Variants in MTUS1 observed in about 807,000 individuals in gnomAD.
The protein encoded by MTUS1 is microtubule associated scaffold protein 1.
A neutral mutation model predicts 120.8 loss-of-function variants in MTUS1; 109 were observed. That is an observed-to-expected ratio of 0.90 (90% CI 0.77 to 1.06). The LOEUF (loss-of-function observed/expected upper bound fraction) is 1.06. Among genes scored for constraint, MTUS1 ranks in the 50% least tolerant of loss-of-function variants. The pLI, the probability that MTUS1 is intolerant of heterozygous loss-of-function variation, is 0.00. For missense variants in MTUS1, 2,210 were observed against 1,486.3 expected (o/e 1.49, Z -8.01); for synonymous variants, 737 against 550.5 (o/e 1.34, Z -4.74).
chr8:17,731,332 TCTG>T (rs2046563753), intron 3 of MTUS1, among the ~76,000 whole-genome samples: 1 of 152,178 alleles, frequency 6.6e-6, no homozygotes. Flanking sequence ...GTTCTGCACT[TCTG>T]TTTTCTCATA....
intron 6 of MTUS1, among the ~76,000 whole-genome samples, chr8:17,703,812 T>C (rs958045827): frequency 2.6e-5 from 4 of 152,132 alleles, no homozygotes; most frequent in African/African-American, 7.2e-5. Flanking sequence ...CTGCTGAACA[T>C]AGACCCTTAT....
chr8:17,697,773 C>G, intron 6 of MTUS1: 1 of 976,370 alleles, frequency 1.0e-6, no homozygotes, highest in East Asian at 1.1e-4. Flanking sequence ...TGTCACAGAT[C>G]CTGTAACCAC....
At chr8:17,783,747 G>C (rs2051077537) in intron 1 of MTUS1, among the ~76,000 whole-genome samples, 1 of 152,094 alleles carries the variant, frequency 6.6e-6, no homozygotes, top group South Asian at 2.1e-4. Flanking sequence ...AAGCAAGACA[G>C]ACACCAACTA....
chr8:17,786,749 G>A (rs951659957), intron 1 of MTUS1, among the ~76,000 whole-genome samples: 3 of 152,096 alleles, frequency 2.0e-5, no homozygotes, highest in Non-Finnish European at 4.4e-5. Flanking sequence ...CCACCCGAGC[G>A]GTATGAAGGA....
intron 3 of MTUS1, 99 bp downstream of exon 3, chr8:17,743,505 G>GCTAA: frequency 8.8e-7 from 1 of 1,136,424 alleles, no homozygotes; most frequent in Non-Finnish European, 1.3e-6. Context: ...TCCACAAAAG[G>GCTAA]CTAACTGCTT....
intron 1 of MTUS1, among the ~76,000 whole-genome samples, chr8:17,793,681 C>T (rs575714803): frequency 3.3e-4 from 50 of 152,154 alleles, no homozygotes; most frequent in African/African-American, 1.1e-3. Flanking sequence ...AATTAAGAGA[C>T]GCCAAAGAGT....
In MTUS1 at chr8:17,653,503, G is replaced by C. The variant is rs772102898; in HGVS notation, c.3215-5C>G. 3 of 1,595,256 alleles carry C rather than the reference G, an allele frequency of 1.9e-6. No individual in the cohort carries two copies. Among genetic ancestry groups the C allele is most frequent in the South Asian group, 2.2e-5 (2 of 89,088 alleles). On this transcript the variant is annotated splice_polypyrimidine_tract_variant and splice_region_variant and intron_variant, in intron 10 of 14. Transcript: ENST00000693296. Reference sequence around the variant, plus strand: ...TTTCATGGCCTTTCTTAATTTCTGGGAAAATAAACGGATATTTTTGAGGCA... The same window carrying C: ...TTTCATGGCCTTTCTTAATTTCTGGCAAAATAAACGGATATTTTTGAGGCA...
At position 17,653,278 on chromosome 8, in the gene MTUS1, G is replaced by A; in HGVS notation, c.3292C>T (p.Gln1098Ter). 1.3e-6 allele frequency: 2 copies of A among 1,545,100 alleles called. No individual in the cohort carries two copies. Among genetic ancestry groups the A allele is most frequent in the Non-Finnish European group, 1.7e-6 (2 of 1,147,284 alleles). ...LSEKQESLEK[Q>*]INDLKSENDA... is the part of the protein sequence containing the mutation. ...TTTTCACTCTTCAGATCATTGATTT[G>A]CTTCTAAAACACAATGAAATGTGGA... The change falls in exon 12 of 15, where the codon CAA becomes TAA. Residue 1098 changes from glutamine (Q) to a stop codon, truncating the protein, a stop_gained. Transcript: ENST00000693296. LOFTEE classifies it high-confidence loss of function.
At chr8:17,669,314 G>T (rs1255383471) in intron 8 of MTUS1, among the ~76,000 whole-genome samples, 2 of 152,168 alleles carry the variant, frequency 1.3e-5, no homozygotes, top group Admixed American at 6.5e-5. Flanking sequence ...GAGGGGAGTG[G>T]AAAGAGGAGA....
intron 7 of MTUS1, 123 bp from the exon 8 acceptor site, chr8:17,675,375 G>A (rs1812889412): frequency 2.8e-6 from 2 of 719,612 alleles, no homozygotes; most frequent in East Asian, 5.6e-5. Context: ...AATCATTTAG[G>A]CTAACAATTT....
intron 2 of MTUS1, among the ~76,000 whole-genome samples, chr8:17,749,352 C>G (rs888175130): frequency 6.6e-6 from 1 of 152,072 alleles, no homozygotes; most frequent in African/African-American, 2.4e-5. Context: ...ACTCTTTGAA[C>G]CAACTGCCAA....
intron 1 of MTUS1, among the ~76,000 whole-genome samples, chr8:17,765,139 A>G (rs209565): frequency 0.25 from 38,146 of 151,976 alleles, 5,204 homozygotes; most frequent in African/African-American, 0.36. Flanking sequence ...AATAGGGTTC[A>G]CACTCCCAGG....
chr8:17,774,971 T>TAAAAAAAAAA (rs76567642), intron 1 of MTUS1, among the ~76,000 whole-genome samples: 5 of 96,966 alleles, frequency 5.2e-5, no homozygotes, highest in Non-Finnish European at 9.7e-5. Context: ...ATATTATAAG[T>TAAAAAAAAAA]AAAAAAAAAA....
At chr8:17,698,068 T>C (rs982207449) in intron 6 of MTUS1, among the ~76,000 whole-genome samples, 4 of 152,276 alleles carry the variant, frequency 2.6e-5, no homozygotes, top group Admixed American at 1.3e-4. Flanking sequence ...TAATGACAGA[T>C]TGTCAAAAGG....
At chr8:17,766,311 T>G (rs2049481845) in intron 1 of MTUS1, among the ~76,000 whole-genome samples, 1 of 152,202 alleles carries the variant, frequency 6.6e-6, no homozygotes, top group South Asian at 2.1e-4. Context: ...AGTACACAAG[T>G]AATCATCATC....
chr8:17,701,680 T>C (rs1819114080), intron 6 of MTUS1, among the ~76,000 whole-genome samples: 1 of 152,110 alleles, frequency 6.6e-6, no homozygotes, highest in African/African-American at 2.4e-5. Context: ...CCTGAGTAGC[T>C]GGGACTACAG....
chr8:17,795,068 T>C (rs887252564), intron 1 of MTUS1, among the ~76,000 whole-genome samples: 12 of 152,228 alleles, frequency 7.9e-5, no homozygotes, highest in Admixed American at 7.9e-4. Context: ...TGAAGAAATA[T>C]TGATTCTTTT....
rs79219861 is a variant in MTUS1, at chr8:17,646,925, C to T, written c.3599+57G>A. The T allele has an allele frequency of 9.8e-4, 1,272 of 1,293,232 alleles. 10 individuals are homozygous for T. The African/African-American group carries it at 0.017, about 17-fold the overall frequency. The allele number at this position is 1,293,232 out of a possible 1,614,324, so 80.1% of individuals were successfully genotyped here. On this transcript the variant is annotated intron_variant, in intron 14 of 14. Transcript: ENST00000693296. ...AGGGGTAGAGCGTGTCCAGAAAGTACACTGGATGTCCAAGGGAGCGGGGAG... is the reference window on the plus strand; with the variant it reads ...AGGGGTAGAGCGTGTCCAGAAAGTATACTGGATGTCCAAGGGAGCGGGGAG...
At chr8:17,670,129 G>A (rs904928514) in intron 8 of MTUS1, among the ~76,000 whole-genome samples, 5 of 152,170 alleles carry the variant, frequency 3.3e-5, no homozygotes, top group African/African-American at 1.2e-4. Context: ...GGTGGTAAGT[G>A]AATCATATCG....
Sources: gnomAD v4.1 joint callset for allele counts (sites outside exome capture counted in the v4.1 genomes callset) on GRCh38, gnomAD v4.1.1 for gene constraint, MANE v1.5 for transcripts, NCBI Gene and HGNC (gene_info 2026-07-23, HGNC 2026-07-21) for gene names.